PCDH11X: variants seen among roughly 807,000 people sequenced by gnomAD.
PCDH11X encodes the protein protocadherin-11 X-linked.
In PCDH11X, 18 loss-of-function variants were observed where a neutral mutation model predicts 53.3. The observed-to-expected ratio is 0.34, with a 90% CI of 0.23 to 0.50. The LOEUF (loss-of-function observed/expected upper bound fraction) is 0.50. Among genes scored for constraint, PCDH11X ranks in the 20% least tolerant of loss-of-function variants. PCDH11X has a pLI of 0.98. For synonymous variants in PCDH11X, 279 were observed against 393.3 expected (o/e 0.71, Z 3.44); for missense variants, 570 against 1,032.4 (o/e 0.55, Z 6.14).
chrX:91,909,379 C>T (rs1471628770), intron 6 of PCDH11X, among the ~76,000 whole-genome samples: 1 of 107,280 alleles, frequency 9.3e-6, no homozygotes, highest in African/African-American at 3.4e-5. Flanking sequence ...TTTCGTGGCT[C>T]ATATGTTAAT....
At chrX:92,224,022 A>G (rs2066926344) in intron 7 of PCDH11X, among the ~76,000 whole-genome samples, 1 of 111,739 alleles carries the variant, frequency 8.9e-6, no homozygotes, top group African/African-American at 3.3e-5. Context: ...CTCTTTGGCC[A>G]TTTGCCTTTT....
intron 6 of PCDH11X, among the ~76,000 whole-genome samples, chrX:92,074,911 G>A (rs34386423): frequency 6.4e-5 from 7 of 108,914 alleles, no homozygotes; most frequent in African/African-American, 2.3e-4. Flanking sequence ...TCTATCTATC[G>A]TGGGGTTAAG....
chrX:92,379,166 G>T (rs1275296150), intron 8 of PCDH11X, among the ~76,000 whole-genome samples: 1 of 112,651 alleles, frequency 8.9e-6, no homozygotes, highest in Non-Finnish European at 1.9e-5. Flanking sequence ...CAGTTGCAGG[G>T]GCCCAGCTGG....
At chrX:92,289,780 C>T (rs1192010765) in intron 8 of PCDH11X, among the ~76,000 whole-genome samples, 4 of 110,561 alleles carry the variant, frequency 3.6e-5, no homozygotes, top group Non-Finnish European at 7.5e-5. Context: ...ATTTATTACA[C>T]AGACAACTAT....
At chrX:92,563,207 C>T (rs1409055440) in intron 10 of PCDH11X, among the ~76,000 whole-genome samples, 1 of 105,610 alleles carries the variant, frequency 9.5e-6, no homozygotes, top group Non-Finnish European at 1.9e-5. Context: ...AGAAAACTTA[C>T]AATCATGGTC....
At chrX:92,122,048 G>A (rs1451827350) in intron 6 of PCDH11X, among the ~76,000 whole-genome samples, 1 of 100,608 alleles carries the variant, frequency 9.9e-6, no homozygotes, top group Non-Finnish European at 2.0e-5. Flanking sequence ...GCAGTGGCAC[G>A]ATCTCAGCTA....
intron 10 of PCDH11X, among the ~76,000 whole-genome samples, chrX:92,537,975 G>T (rs2148733873): frequency 1.0e-5 from 1 of 98,272 alleles, no homozygotes; most frequent in East Asian, 3.3e-4. Flanking sequence ...TACCGATTTG[G>T]ATGTCCTTTT....
At chrX:92,054,594 G>A (rs2063415138) in intron 6 of PCDH11X, among the ~76,000 whole-genome samples, 1 of 111,004 alleles carries the variant, frequency 9.0e-6, no homozygotes, top group Admixed American at 9.6e-5. Flanking sequence ...GCCCAGGCAG[G>A]CAGATCACCT....
intron 8 of PCDH11X, among the ~76,000 whole-genome samples, chrX:92,344,793 G>A (rs1449663031): frequency 1.8e-5 from 2 of 108,397 alleles, no homozygotes; most frequent in South Asian, 4.1e-4. Flanking sequence ...ATAAAGAAAA[G>A]GGCCAATGAC....
At chrX:92,531,866 T>C (rs1390277029) in intron 10 of PCDH11X, among the ~76,000 whole-genome samples, 1 of 111,608 alleles carries the variant, frequency 9.0e-6, no homozygotes. Context: ...GTGTGGATAA[T>C]ATAATGTGTA....
At chrX:92,452,435 AG>A (rs2072805180) in intron 9 of PCDH11X, among the ~76,000 whole-genome samples, 1 of 78,707 alleles carries the variant, frequency 1.3e-5, no homozygotes, top group East Asian at 4.4e-4. Context: ...CATATATAGT[AG>A]TTTGTATAAT....
intron 9 of PCDH11X, among the ~76,000 whole-genome samples, chrX:92,464,045 C>T (rs35444700): frequency 9.0e-6 from 1 of 111,729 alleles, no homozygotes; most frequent in Non-Finnish European, 1.9e-5. Context: ...TTATGACTTT[C>T]GCTGTTGTCA....
chrX:92,397,819 A>G (rs1186613318), intron 9 of PCDH11X, among the ~76,000 whole-genome samples: 1 of 111,442 alleles, frequency 9.0e-6, no homozygotes, highest in Non-Finnish European at 1.9e-5. Flanking sequence ...ATAATCTTCT[A>G]TAAAAGCTAC....
At chrX:92,408,695 G>T (rs2061315297) in intron 9 of PCDH11X, among the ~76,000 whole-genome samples, 1 of 110,731 alleles carries the variant, frequency 9.0e-6, no homozygotes, top group Non-Finnish European at 1.9e-5. Context: ...CCATTCTCCT[G>T]CCTCAGCCTC....
chrX:92,253,869 T>G (rs1323322855), intron 7 of PCDH11X, among the ~76,000 whole-genome samples: 1 of 112,045 alleles, frequency 8.9e-6, no homozygotes, highest in African/African-American at 3.2e-5. Flanking sequence ...TATAAGAACA[T>G]ATGATCTGCA....
intron 10 of PCDH11X, among the ~76,000 whole-genome samples, chrX:92,528,573 C>T (rs1685010619): frequency 8.9e-6 from 1 of 111,868 alleles, no homozygotes; most frequent in African/African-American, 3.2e-5. Flanking sequence ...GGATTACAGG[C>T]ATGAGCTACC....
chrX:92,231,375 T>C (rs1174140128), intron 7 of PCDH11X, among the ~76,000 whole-genome samples: 1 of 111,870 alleles, frequency 8.9e-6, no homozygotes, highest in Admixed American at 9.5e-5. Flanking sequence ...GTGTGCTACA[T>C]ACAGCTGAGG....
At chrX:92,184,639 A>T (rs1451259543) in intron 6 of PCDH11X, among the ~76,000 whole-genome samples, 1 of 112,035 alleles carries the variant, frequency 8.9e-6, no homozygotes, top group African/African-American at 3.2e-5. Context: ...ACAGATACAT[A>T]AACCAAGACA....
chrX:92,317,760 G>C (rs2069111692), intron 8 of PCDH11X, among the ~76,000 whole-genome samples: 1 of 111,344 alleles, frequency 9.0e-6, no homozygotes, highest in East Asian at 2.8e-4. Context: ...TTAGATCCTG[G>C]ATATCACATT....
Sources: allele counts gnomAD v4.1 joint callset (sites outside exome capture counted in the v4.1 genomes callset), GRCh38; gene constraint gnomAD v4.1.1; transcripts MANE v1.5; gene names NCBI Gene and HGNC (gene_info 2026-07-23, HGNC 2026-07-21).